Variants in SORBS2 observed in about 807,000 individuals in gnomAD.
The protein encoded by SORBS2 is sorbin and SH3 domain-containing protein 2.
SORBS2 carries 46 observed loss-of-function variants against 97.7 expected under a neutral mutation model. The observed-to-expected ratio is 0.47, with a 90% CI of 0.37 to 0.60. The LOEUF (loss-of-function observed/expected upper bound fraction) is 0.60, where lower values mean the gene tolerates loss of function less well. SORBS2 is among the 20% of genes least tolerant of loss of function. The pLI, the probability that SORBS2 is intolerant of heterozygous loss-of-function variation, is 0.00. For synonymous variants in SORBS2, 476 were observed against 473.4 expected, an observed-to-expected ratio of 1.01 and a Z score of -0.07; for missense variants, 1,316 against 1,282.3, an observed-to-expected ratio of 1.03 and a Z score of -0.40.
intron 1 of SORBS2, among the ~76,000 whole-genome samples, chr4:185,894,602 C>G (rs1434608128): frequency 1.3e-5 from 2 of 152,190 alleles, no homozygotes; most frequent in Non-Finnish European, 2.9e-5. Context: ...AGATGTCTTA[C>G]CTCGCAAGGC....
chr4:185,702,466 A>T (rs1048754559), intron 2 of SORBS2, among the ~76,000 whole-genome samples: 16 of 152,170 alleles, frequency 1.1e-4, no homozygotes, highest in African/African-American at 3.6e-4. Flanking sequence ...CTATTCATGA[A>T]GTATCTGGTC....
intron 1 of SORBS2, 51 bp from the exon 10 acceptor site, chr4:185,652,779 C>T (rs1392770212): frequency 6.3e-6 from 8 of 1,274,748 alleles, no homozygotes; most frequent in Middle Eastern, 1.8e-4. Flanking sequence ...CAATCAACAT[C>T]GCTTCTCAGT....
chr4:185,751,273 G>A (rs1399908380), intron 2 of SORBS2, among the ~76,000 whole-genome samples: 2 of 149,812 alleles, frequency 1.3e-5, no homozygotes, highest in African/African-American at 2.4e-5. Context: ...TGAGAAGCAT[G>A]TAGGTGGCTA....
intron 2 of SORBS2, among the ~76,000 whole-genome samples, chr4:185,700,590 C>T (rs1012492130): frequency 6.6e-6 from 1 of 152,072 alleles, no homozygotes; most frequent in African/African-American, 2.4e-5. Flanking sequence ...CTTCAATATT[C>T]CCTCAAGATG....
chr4:185,823,103 T>C (rs1429737671), intron 1 of SORBS2, among the ~76,000 whole-genome samples: 1 of 152,232 alleles, frequency 6.6e-6, no homozygotes, highest in Non-Finnish European at 1.5e-5. Context: ...GTACTGACTC[T>C]TCCCCTGCCC....
intron 2 of SORBS2, among the ~76,000 whole-genome samples, chr4:185,699,000 A>T (rs2098220037): frequency 6.6e-6 from 1 of 152,176 alleles, no homozygotes. Context: ...TGTTCTTAAA[A>T]AGCCACACTT....
At chr4:185,883,531 C>A (rs2099237887) in intron 1 of SORBS2, among the ~76,000 whole-genome samples, 1 of 152,160 alleles carries the variant, frequency 6.6e-6, no homozygotes, top group African/African-American at 2.4e-5. Context: ...GAAATGAAAA[C>A]CTACATCCAC....
intron 1 of SORBS2, among the ~76,000 whole-genome samples, chr4:185,823,156 T>C (rs73017883): frequency 0.26 from 38,803 of 152,112 alleles, 5,222 homozygotes; most frequent in South Asian, 0.32. Context: ...GATGTGACCA[T>C]ACCTTCCTTC....
chr4:185,842,864 G>A (rs2099212415), intron 1 of SORBS2, among the ~76,000 whole-genome samples: 1 of 151,464 alleles, frequency 6.6e-6, no homozygotes, highest in Admixed American at 6.6e-5. Context: ...GGGCCCAGGA[G>A]GCGGAGGTTG....
chr4:185,646,575 A>G, intron 4 of SORBS2, 93 bp downstream of exon 13: 1 of 703,676 alleles, frequency 1.4e-6, no homozygotes, highest in Non-Finnish European at 2.6e-6. Flanking sequence ...TACCTTTGTG[A>G]CAAAAATTGC....
rs561590440 is a variant in SORBS2, at chr4:185,791,114, G to A, written c.-337-15748C>T. ...TTTCTCTAAGTACTAATTTGGGAAA[G>A]TATGCTAATTTTCAATACTTAAAAC... On this transcript the variant is annotated intron_variant, in intron 1 of 20. Transcript: ENST00000284776. 3.9e-5 allele frequency among the ~76,000 whole-genome samples: 6 copies of A among 152,330 alleles called. No individual in the cohort carries two copies. In the South Asian group the frequency reaches 1.2e-3, roughly 32 times the overall value.
chr4:185,831,203 G>A (rs1425650062), intron 1 of SORBS2, among the ~76,000 whole-genome samples: 1 of 152,126 alleles, frequency 6.6e-6, no homozygotes, highest in Non-Finnish European at 1.5e-5. Context: ...ACAGCAAAAG[G>A]GATATTTTGG....
At chr4:185,917,490 C>T (rs188928165) in intron 1 of SORBS2, among the ~76,000 whole-genome samples, 8 of 152,286 alleles carry the variant, frequency 5.3e-5, no homozygotes, top group Non-Finnish European at 8.8e-5. Context: ...GGCCTCCCAA[C>T]CTGCTGGGAT....
intron 1 of SORBS2, chr4:185,894,218 T>C (rs1317058480): frequency 6.6e-6 from 1 of 151,684 alleles, no homozygotes; most frequent in Non-Finnish European, 1.5e-5. Context: ...AGGAAAAATA[T>C]GAAAAAGACA....
chr4:185,729,756 A>G (rs560794437), intron 2 of SORBS2, among the ~76,000 whole-genome samples: 1 of 152,336 alleles, frequency 6.6e-6, no homozygotes, highest in South Asian at 2.1e-4. Flanking sequence ...TACTTTGTAG[A>G]GAGAAAAGAA....
At chr4:185,713,958 T>C (rs2098445144) in intron 2 of SORBS2, among the ~76,000 whole-genome samples, 1 of 152,202 alleles carries the variant, frequency 6.6e-6, no homozygotes, top group South Asian at 2.1e-4. Flanking sequence ...GGCAATTCTG[T>C]GAAATATGGA....
At chr4:185,857,893 C>T (rs1013666747) in intron 1 of SORBS2, among the ~76,000 whole-genome samples, 3 of 152,192 alleles carry the variant, frequency 2.0e-5, no homozygotes, top group Non-Finnish European at 4.4e-5. Context: ...CAAGACAGTG[C>T]ATGCCCAGCA....
rs141694939 is a variant in SORBS2, at chr4:185,929,711, T to G, written c.-338+26485A>C. Among the ~76,000 whole-genome samples, 626 of 152,088 alleles carry G rather than the reference T, an allele frequency of 4.1e-3. 2 individuals are homozygous for G. Among genetic ancestry groups the G allele is most frequent in the African/African-American group, 0.014 (595 of 41,484 alleles). Reference sequence around the variant, plus strand: ...CCACCACGCCCAGCTGATTTTTGTATTTTTAGTAGAGTTGGGGTTTCACCA... The same window carrying G: ...CCACCACGCCCAGCTGATTTTTGTAGTTTTAGTAGAGTTGGGGTTTCACCA... On this transcript the variant is annotated intron_variant, in intron 1 of 20. Transcript: ENST00000284776.
chr4:185,686,642 G>T (rs766098328), intron 2 of SORBS2, among the ~76,000 whole-genome samples: 4 of 152,246 alleles, frequency 2.6e-5, no homozygotes, highest in Non-Finnish European at 5.9e-5. Flanking sequence ...GGTTGAAATG[G>T]TTGTGTAGTC....
Sources: allele counts gnomAD v4.1 joint callset (sites outside exome capture counted in the v4.1 genomes callset), GRCh38; gene constraint gnomAD v4.1.1; transcripts MANE v1.5; gene names NCBI Gene and HGNC (gene_info 2026-07-23, HGNC 2026-07-21).